Variants in ARL8B observed in about 807,000 individuals in gnomAD.
ARL8B encodes ADP-ribosylation factor-like protein 8B.
In ARL8B, 9 loss-of-function variants were observed where a neutral mutation model predicts 30.6. The ratio of observed to expected loss-of-function variants is 0.29; its 90% CI spans 0.18 to 0.51. ARL8B has a LOEUF of 0.51. Among genes scored for constraint, ARL8B ranks in the 20% least tolerant of loss-of-function variants. The pLI is 0.97. For missense variants in ARL8B, 130 were observed against 227.2 expected, an observed-to-expected ratio of 0.57 and a Z score of 2.75; for synonymous variants, 74 against 76.0, an observed-to-expected ratio of 0.97 and a Z score of 0.14.
At chr3:5,151,524 A>G (rs2054483629) in intron 1 of ARL8B, among the ~76,000 whole-genome samples, 1 of 152,140 alleles carries the variant, frequency 6.6e-6, no homozygotes, top group Non-Finnish European at 1.5e-5. Flanking sequence ...CATGTTTCTC[A>G]TTTAGTTCAA....
chr3:5,124,030 C>T (rs913899530), intron 1 of ARL8B, among the ~76,000 whole-genome samples: 7 of 152,098 alleles, frequency 4.6e-5, no homozygotes, highest in Non-Finnish European at 8.8e-5. Context: ...TCCTCCACCA[C>T]GCCCGGCTAA....
At chr3:5,171,300 C>T (rs966480744) in intron 2 of ARL8B, among the ~76,000 whole-genome samples, 1 of 152,160 alleles carries the variant, frequency 6.6e-6, no homozygotes, top group East Asian at 1.9e-4. Context: ...GGAGTAGACA[C>T]AATAATAAAA....
At chr3:5,172,077 T>C in intron 2 of ARL8B, 73 bp from the exon 3 acceptor site, 1 of 1,399,090 alleles carries the variant, frequency 7.1e-7, no homozygotes, top group Admixed American at 1.8e-5. Context: ...ATCTTTCTTT[T>C]TTTCTGTTAC....
intron 1 of ARL8B, among the ~76,000 whole-genome samples, chr3:5,164,180 C>T (rs980936658): frequency 6.6e-6 from 1 of 152,172 alleles, no homozygotes; most frequent in African/African-American, 2.4e-5. Context: ...TGTAAGTGGA[C>T]CCATATGCAC....
At chr3:5,132,666 C>T (rs1157322139) in intron 1 of ARL8B, among the ~76,000 whole-genome samples, 1 of 152,176 alleles carries the variant, frequency 6.6e-6, no homozygotes, top group East Asian at 1.9e-4. Context: ...ACAGTCCCTG[C>T]CACATGACAA....
At chr3:5,161,954 C>CT (rs1559283804) in intron 1 of ARL8B, among the ~76,000 whole-genome samples, 1 of 152,132 alleles carries the variant, frequency 6.6e-6, no homozygotes, top group African/African-American at 2.4e-5. Flanking sequence ...TGACTGATGG[C>CT]TAAGTGAGTA....
chr3:5,137,078 A>G (rs2106556645), intron 1 of ARL8B, among the ~76,000 whole-genome samples: 1 of 152,246 alleles, frequency 6.6e-6, no homozygotes, highest in Middle Eastern at 3.4e-3. Context: ...ATGTTTAAGT[A>G]TGTGGGATCA....
rs2054757734 is a variant in ARL8B at position 5,179,351 on chromosome 3, A to G, written c.*638A>G. The G allele has an allele frequency of 6.6e-6, 1 of 152,270 alleles. No individual in the cohort carries two copies. 9.4% of individuals were successfully genotyped at this position (152,270 alleles called of 1,614,324 possible). A position where few individuals can be genotyped will look rare whatever the true frequency, so the allele number is the denominator to read the frequency against. On this transcript the variant is annotated 3_prime_UTR_variant, in exon 7 of 7. Coordinates refer to ENST00000256496, the MANE Select transcript of ARL8B (RefSeq NM_018184.3). The stretch of plus-strand genomic sequence containing the variant: ...GCACTGGTGAGATTCTGCCTGATGA[A>G]TATTAAAGATATCCTGCTTTCTGAG...
intron 1 of ARL8B, among the ~76,000 whole-genome samples, chr3:5,166,902 T>G (rs908654743): frequency 6.6e-6 from 1 of 152,220 alleles, no homozygotes; most frequent in African/African-American, 2.4e-5. Flanking sequence ...TCTGCTGTTG[T>G]AGCATTCATC....
At chr3:5,177,992 G>A (rs945208878) in intron 6 of ARL8B, among the ~76,000 whole-genome samples, 2 of 152,200 alleles carry the variant, frequency 1.3e-5, no homozygotes, top group African/African-American at 4.8e-5. Context: ...AACTGGTAGT[G>A]AATTTACCCT....
intron 1 of ARL8B, among the ~76,000 whole-genome samples, chr3:5,168,769 T>G (rs2106569718): frequency 6.6e-6 from 1 of 152,348 alleles, no homozygotes; most frequent in African/African-American, 2.4e-5. Context: ...TGTGGGAAGT[T>G]AGCCAAGTGT....
At chr3:5,124,903 A>T (rs550948336) in intron 1 of ARL8B, among the ~76,000 whole-genome samples, 14 of 152,318 alleles carry the variant, frequency 9.2e-5, no homozygotes, top group African/African-American at 2.6e-4. Flanking sequence ...CATGGAATTA[A>T]TGTTTCATGT....
chr3:5,126,931 A>G (rs556503227), intron 1 of ARL8B, among the ~76,000 whole-genome samples: 1 of 152,242 alleles, frequency 6.6e-6, no homozygotes, highest in African/African-American at 2.4e-5. Context: ...GGATTTGCCA[A>G]AATAATATAG....
chr3:5,123,319 T>A (rs1277318481), intron 1 of ARL8B, among the ~76,000 whole-genome samples: 1 of 152,162 alleles, frequency 6.6e-6, no homozygotes, highest in Non-Finnish European at 1.5e-5. Context: ...TGTTTTTCAC[T>A]TGAAGAGAAA....
chr3:5,134,487 A>G lies in ARL8B; in HGVS notation c.123+11899A>G, dbSNP rs542122439. Among the ~76,000 whole-genome samples, 3 of 152,326 alleles carry G rather than the reference A, an allele frequency of 2.0e-5. No individual in the cohort carries two copies. In the East Asian group the frequency reaches 5.8e-4, roughly 29 times the overall value. On this transcript the variant is annotated intron_variant, in intron 1 of 6. Coordinates refer to ENST00000256496, the MANE Select transcript of ARL8B (RefSeq NM_018184.3). ...GAAAGTGCCTGGCTTAGGTTTGTAT[A>G]GTGACTTTCTACTGAAGAGAAAATT...
chr3:5,134,073 A>G (rs1043783128), intron 1 of ARL8B, among the ~76,000 whole-genome samples: 5 of 150,210 alleles, frequency 3.3e-5, no homozygotes, highest in African/African-American at 1.2e-4. Flanking sequence ...GAGAATTAAC[A>G]TTTCATCCAA....
chr3:5,127,834 C>T (rs561915075), intron 1 of ARL8B, among the ~76,000 whole-genome samples: 21 of 135,582 alleles, frequency 1.5e-4, no homozygotes, highest in African/African-American at 5.9e-4. Flanking sequence ...GATTGCGCCA[C>T]TGCACTCCAG....
chr3:5,178,646 T>C lies in ARL8B; in HGVS notation c.512-18T>C. The C allele has an allele frequency of 6.3e-7, 1 of 1,593,898 alleles. No individual in the cohort carries two copies. Among genetic ancestry groups the C allele is most frequent in the Non-Finnish European group, 8.5e-7 (1 of 1,171,910 alleles). On this transcript the variant is annotated intron_variant, in intron 6 of 6. Coordinates refer to ENST00000256496, the MANE Select transcript of ARL8B (RefSeq NM_018184.3). ...GTTTTTTAACTTTAATGTCTTCACT[T>C]TTCCCCTCTATCTTTAGATATCACA...
At chr3:5,131,800 A>C (rs1005417855) in intron 1 of ARL8B, among the ~76,000 whole-genome samples, 2 of 152,162 alleles carry the variant, frequency 1.3e-5, no homozygotes, top group African/African-American at 4.8e-5. Context: ...GAAATGTTTA[A>C]CTTTGGTTTT....
Sources: allele counts gnomAD v4.1 joint callset (sites outside exome capture counted in the v4.1 genomes callset), GRCh38; gene constraint gnomAD v4.1.1; transcripts MANE v1.5; gene names NCBI Gene and HGNC (gene_info 2026-07-23, HGNC 2026-07-21).